The following AHI1 variants were observed in gnomAD, a reference collection of about 807,000 sequenced individuals.
AHI1 encodes the protein Abelson helper integration site 1.
In AHI1, 123 loss-of-function variants were observed where a neutral mutation model predicts 149.3. The observed-to-expected ratio is 0.82, with a 90% CI of 0.71 to 0.96. AHI1 has a LOEUF of 0.96. Ranked by LOEUF, AHI1 falls within the 40% of genes least tolerant of loss-of-function variation. The pLI is 0.00. For missense variants in AHI1, 1,439 were observed against 1,422.7 expected, an observed-to-expected ratio of 1.01 and a Z score of -0.18; for synonymous variants, 475 against 459.8, an observed-to-expected ratio of 1.03 and a Z score of -0.42.
At chr6:135,448,519 A>G (rs1358163205) in intron 11 of AHI1, 44 bp from the exon 12 acceptor site, 1 of 1,334,300 alleles carries the variant, frequency 7.5e-7, no homozygotes, top group Non-Finnish European at 1.0e-6. Flanking sequence ...CATTGAAAAT[A>G]AATATATCCA....
intron 25 of AHI1, among the ~76,000 whole-genome samples, chr6:135,319,007 A>G (rs1786404037): frequency 6.6e-6 from 1 of 152,248 alleles, no homozygotes; most frequent in Non-Finnish European, 1.5e-5. Context: ...CAAGGAGCTT[A>G]CAGTCTGGTC....
In AHI1 at chr6:135,466,167, C is replaced by T. The variant is rs752922775; in HGVS notation, c.396G>A (p.Thr132=). Residue 132 remains threonine, a synonymous_variant, in exon 7 of 29, where the codon ACG becomes ACA. Coordinates refer to ENST00000265602, the MANE Select transcript of AHI1 (RefSeq NM_001134831.2). The part of the protein sequence containing the change: ...QGKPNKKVIK[T]VPQLTTQDLK... ...GGTCTTGTGTAGTCAACTGGGGCAC[C>T]GTCTTTATCACCTTTTTATTTGGCT... 1.4e-5 allele frequency: 23 copies of T among 1,613,722 alleles called. No homozygotes were observed. The highest frequency in any genetic ancestry group is 8.3e-5 in the Admixed American group (5 of 59,962).
At chr6:135,446,856 T>C (rs1402802956) in intron 13 of AHI1, among the ~76,000 whole-genome samples, 152 bp downstream of exon 13, 2 of 152,192 alleles carry the variant, frequency 1.3e-5, no homozygotes, top group Non-Finnish European at 2.9e-5. Flanking sequence ...TTATTATTTG[T>C]CAAATTAATT....
At chr6:135,473,267 G>C (rs552548450) in intron 5 of AHI1, among the ~76,000 whole-genome samples, 4 of 152,176 alleles carry the variant, frequency 2.6e-5, no homozygotes, top group Non-Finnish European at 4.4e-5. Context: ...ATATATATTT[G>C]AATCTATTTC....
At chr6:135,296,961 C>T (rs1783175697) in intron 27 of AHI1, among the ~76,000 whole-genome samples, 2 of 152,220 alleles carry the variant, frequency 1.3e-5, no homozygotes, top group African/African-American at 4.8e-5. Flanking sequence ...TATCATTCAT[C>T]ACTGCATTTC....
At chr6:135,470,199 C>CA (rs1257288890) in intron 5 of AHI1, among the ~76,000 whole-genome samples, 3 of 152,002 alleles carry the variant, frequency 2.0e-5, no homozygotes, top group Non-Finnish European at 4.4e-5. Flanking sequence ...TTTATGGGGC[C>CA]AACAAACATG....
At chr6:135,489,855 A>G (rs1215641677) in intron 5 of AHI1, 1 of 215,918 alleles carries the variant, frequency 4.6e-6, no homozygotes, top group African/African-American at 2.3e-5. Context: ...ATCTTACTAC[A>G]AGCAAAATGT....
intron 14 of AHI1, 114 bp from the exon 15 acceptor site, chr6:135,438,612 C>CTA (rs1785778747): frequency 2.5e-6 from 2 of 811,876 alleles, no homozygotes; most frequent in Non-Finnish European, 1.7e-6. Context: ...AAAATTATAA[C>CTA]CAAAGACATT....
At chr6:135,457,113 G>A (rs578110353) in intron 9 of AHI1, among the ~76,000 whole-genome samples, 2 of 152,018 alleles carry the variant, frequency 1.3e-5, no homozygotes, top group Admixed American at 6.6e-5. Context: ...GCCAAACCCC[G>A]CCTCCACTAA....
In AHI1 at chr6:135,474,722, T is replaced by C. The variant is rs546864096; in HGVS notation, c.136-7088A>G. On this transcript the variant is annotated intron_variant, in intron 5 of 28. Coordinates refer to ENST00000265602, the MANE Select transcript of AHI1 (RefSeq NM_001134831.2). ...CAATCTTTGGATATGGTGAATTACA[T>C]TGGATGCTTTTTCTAACACTGAACT... 12 of 152,328 alleles carry C rather than the reference T, an allele frequency of 7.9e-5. No individual in the cohort carries two copies. The East Asian group carries it at 1.2e-3, about 15-fold the overall frequency. The allele number at this position is 152,328 out of a possible 1,614,324, so 9.4% of individuals were successfully genotyped here.
chr6:135,389,110 A>G (rs941200302), intron 23 of AHI1, among the ~76,000 whole-genome samples: 2 of 151,956 alleles, frequency 1.3e-5, no homozygotes, highest in Admixed American at 6.6e-5. Context: ...GGATATCGAG[A>G]CCATCCTGGC....
rs1057457565 is a variant in AHI1 at position 135,466,130 on chromosome 6, T to C, written c.433A>G (p.Thr145Ala). Residue 145 changes from threonine to alanine, a missense_variant, in exon 7 of 29, where the codon ACT becomes GCT. Transcript: ENST00000265602. Reference protein sequence around the residue: ...QLTTQDLKPETPENKVDSTHQ... With the variant: ...QLTTQDLKPEAPENKVDSTHQ... Reference sequence around the variant, plus strand: ...GTAGAATCAACCTTATTCTCAGGAGTTTCCGGTTTCAGGTCTTGTGTAGTC... The same window carrying C: ...GTAGAATCAACCTTATTCTCAGGAGCTTCCGGTTTCAGGTCTTGTGTAGTC... 14 of 1,613,720 alleles carry C rather than the reference T, an allele frequency of 8.7e-6. No individual in the cohort carries two copies. The highest frequency in any genetic ancestry group is 1.7e-5 in the Admixed American group (1 of 59,958).
intron 15 of AHI1, among the ~76,000 whole-genome samples, chr6:135,436,800 C>T (rs1311310202): frequency 6.6e-6 from 1 of 152,122 alleles, no homozygotes; most frequent in Non-Finnish European, 1.5e-5. Flanking sequence ...CAGGGTTTCG[C>T]CATGTTGGCC....
chr6:135,421,274 A>G (rs1347520502), intron 20 of AHI1, among the ~76,000 whole-genome samples: 1 of 152,158 alleles, frequency 6.6e-6, no homozygotes, highest in Admixed American at 6.6e-5. Context: ...ACACCAAGTG[A>G]GCACACAATG....
intron 27 of AHI1, among the ~76,000 whole-genome samples, chr6:135,294,608 G>A (rs1227420152): frequency 6.9e-6 from 1 of 145,022 alleles, no homozygotes; most frequent in African/African-American, 2.6e-5. Flanking sequence ...TATATATTAA[G>A]AGCTGATTTC....
chr6:135,444,636 A>G (rs1472112213), intron 13 of AHI1, among the ~76,000 whole-genome samples: 3 of 152,210 alleles, frequency 2.0e-5, no homozygotes, highest in African/African-American at 7.2e-5. Flanking sequence ...AAATGTTTTT[A>G]GTTTCGAGAT....
At chr6:135,310,055 C>T (rs1235086714) in intron 26 of AHI1, among the ~76,000 whole-genome samples, 2 of 152,060 alleles carry the variant, frequency 1.3e-5, no homozygotes, top group Non-Finnish European at 2.9e-5. Context: ...ACAATTATGA[C>T]CATATTTCCA....
At chr6:135,334,861 T>A (rs140156648) in intron 24 of AHI1, among the ~76,000 whole-genome samples, 110 of 152,330 alleles carry the variant, frequency 7.2e-4, no homozygotes, top group African/African-American at 2.5e-3. Flanking sequence ...TGGAAACTTG[T>A]TAGAAATGTA....
chr6:135,399,888 C>T (rs547516470), intron 22 of AHI1, among the ~76,000 whole-genome samples: 1 of 151,848 alleles, frequency 6.6e-6, no homozygotes, highest in South Asian at 2.1e-4. Context: ...ATAGTGCCAA[C>T]ATAATAAATC....
Sources: gnomAD v4.1 joint callset for allele counts (sites outside exome capture counted in the v4.1 genomes callset) on GRCh38, gnomAD v4.1.1 for gene constraint, MANE v1.5 for transcripts, NCBI Gene and HGNC (gene_info 2026-07-23, HGNC 2026-07-21) for gene names.